The following RPS6KC1 variants were observed in gnomAD, a reference collection of about 807,000 sequenced individuals.
The protein encoded by RPS6KC1 is ribosomal protein S6 kinase C1, also known as inactive ribosomal protein S6 kinase delta-1.
Under a neutral mutation model 103.8 loss-of-function variants are expected in RPS6KC1, and 54 were observed. That is an observed-to-expected ratio of 0.52 (90% confidence interval 0.42 to 0.65). The LOEUF is 0.65. Ranked by LOEUF, RPS6KC1 falls within the 30% of genes least tolerant of loss-of-function variation. The probability of loss-of-function intolerance (pLI) is 0.00; values close to 1 mark genes in which losing one functional copy is unlikely to be tolerated. For synonymous variants in RPS6KC1, 439 were observed against 438.7 expected (o/e 1.00, Z -0.01); for missense variants, 1,151 against 1,253.8 (o/e 0.92, Z 1.24).
the RPS6KC1 span, among the ~76,000 whole-genome samples, chr1:213,853,139 C>A: frequency 6.6e-6 from 1 of 152,182 alleles, no homozygotes; most frequent in Non-Finnish European, 1.5e-5. Context: ...GAAGTTCCTG[C>A]CACCCTCTGC....
intron 6 of RPS6KC1, among the ~76,000 whole-genome samples, 155 bp from the exon 7 acceptor site, chr1:213,167,703 G>C (rs1255629380): frequency 6.6e-6 from 1 of 152,098 alleles, no homozygotes; most frequent in Non-Finnish European, 1.5e-5. Context: ...GTTAGACTTG[G>C]TTGATACTAA....
the RPS6KC1 span, among the ~76,000 whole-genome samples, chr1:213,290,178 G>A: frequency 6.8e-6 from 1 of 146,148 alleles, no homozygotes; most frequent in Admixed American, 6.9e-5. Flanking sequence ...AGAATCAATC[G>A]GTCATGCCTC....
At chr1:213,383,680 CT>C in the RPS6KC1 span, among the ~76,000 whole-genome samples, 3 of 152,056 alleles carry the variant, frequency 2.0e-5, no homozygotes, top group Non-Finnish European at 4.4e-5. Context: ...GGATGGGGCC[CT>C]GATCTGATGG....
the RPS6KC1 span, among the ~76,000 whole-genome samples, chr1:213,538,248 C>T: frequency 6.6e-6 from 1 of 152,158 alleles, no homozygotes; most frequent in Admixed American, 6.5e-5. Context: ...GGCAAATTTG[C>T]AGCGTTAAGT....
At chr1:213,413,153 A>G in the RPS6KC1 span, among the ~76,000 whole-genome samples, 1 of 152,244 alleles carries the variant, frequency 6.6e-6, no homozygotes, top group African/African-American at 2.4e-5. Context: ...ATGCATAGTT[A>G]TACATATTTA....
chr1:213,079,918 C>CTTTTTTTTTT (rs550713502), intron 3 of RPS6KC1, among the ~76,000 whole-genome samples: 1 of 130,184 alleles, frequency 7.7e-6, no homozygotes, highest in Non-Finnish European at 1.7e-5. Context: ...TTCTTTTTTT[C>CTTTTTTTTTT]TTTTTTTTTT....
the RPS6KC1 span, among the ~76,000 whole-genome samples, chr1:213,846,249 G>A: frequency 1.3e-5 from 2 of 151,182 alleles, no homozygotes; most frequent in African/African-American, 4.9e-5. Flanking sequence ...GCAGTGAACC[G>A]AGATCACACC....
chr1:213,664,445 A>C, the RPS6KC1 span, among the ~76,000 whole-genome samples: 2 of 152,122 alleles, frequency 1.3e-5, no homozygotes, highest in East Asian at 3.9e-4. Context: ...GGCAGCATAC[A>C]CATGAAAGAG....
chr1:213,251,182 C>T (rs1412847739), intron 12 of RPS6KC1, among the ~76,000 whole-genome samples: 1 of 146,208 alleles, frequency 6.8e-6, no homozygotes, highest in African/African-American at 2.5e-5. Context: ...TCTGGGCTCA[C>T]TATAACCTCC....
chr1:213,174,321 C>T (rs372066902), intron 7 of RPS6KC1, among the ~76,000 whole-genome samples: 80 of 152,264 alleles, frequency 5.3e-4, no homozygotes, highest in African/African-American at 1.8e-3. Flanking sequence ...GTAAGTACAT[C>T]ACCTGGTATG....
the RPS6KC1 span, among the ~76,000 whole-genome samples, chr1:213,553,490 G>A: frequency 6.6e-6 from 1 of 152,100 alleles, no homozygotes; most frequent in Non-Finnish European, 1.5e-5. Context: ...TGTCTTTATG[G>A]TAGAATGATT....
chr1:213,798,264 T>C, the RPS6KC1 span, among the ~76,000 whole-genome samples: 1 of 152,206 alleles, frequency 6.6e-6, no homozygotes, highest in Admixed American at 6.5e-5. Flanking sequence ...GCAGAGATTC[T>C]TAGCAGCAGA....
the RPS6KC1 span, among the ~76,000 whole-genome samples, chr1:213,449,420 G>A: frequency 1.3e-5 from 2 of 152,108 alleles, no homozygotes; most frequent in African/African-American, 4.8e-5. Flanking sequence ...TTCCCCCGAG[G>A]CCTCTCTCTG....
At chr1:213,540,167 C>A in the RPS6KC1 span, among the ~76,000 whole-genome samples, 341 of 152,246 alleles carry the variant, frequency 2.2e-3, no homozygotes, top group African/African-American at 7.3e-3. Context: ...GGCTAGAGTG[C>A]AGTGGTGCAA....
intron 1 of RPS6KC1, among the ~76,000 whole-genome samples, chr1:213,064,470 C>G (rs1041912093): frequency 4.0e-5 from 6 of 151,452 alleles, no homozygotes; most frequent in African/African-American, 9.7e-5. Flanking sequence ...CGGGTTCAAG[C>G]GATTCTCCTG....
At chr1:213,108,283 C>T (rs980369786) in intron 4 of RPS6KC1, among the ~76,000 whole-genome samples, 7 of 152,068 alleles carry the variant, frequency 4.6e-5, no homozygotes, top group African/African-American at 1.2e-4. Context: ...TGTGAAGGAA[C>T]GGTCTAAATT....
chr1:213,134,274 A>T (rs904197147), intron 6 of RPS6KC1, among the ~76,000 whole-genome samples: 1 of 151,984 alleles, frequency 6.6e-6, no homozygotes, highest in African/African-American at 2.4e-5. Context: ...CACTTAAAAA[A>T]TACCCCATTA....
At chr1:213,205,408 T>G (rs1259804078) in intron 8 of RPS6KC1, 1 of 982,542 alleles carries the variant, frequency 1.0e-6, no homozygotes, top group Non-Finnish European at 1.2e-6. Context: ...TGAAGCAGTT[T>G]GAGTCACTAT....
intron 4 of RPS6KC1, among the ~76,000 whole-genome samples, chr1:213,114,711 A>G (rs1484755357): frequency 6.6e-6 from 1 of 152,086 alleles, no homozygotes; most frequent in Non-Finnish European, 1.5e-5. Context: ...GATAGCTTTT[A>G]TTATTTTGAA....
Sources: allele counts gnomAD v4.1 joint callset (sites outside exome capture counted in the v4.1 genomes callset), GRCh38; gene constraint gnomAD v4.1.1; transcripts MANE v1.5; gene names NCBI Gene and HGNC (gene_info 2026-07-23, HGNC 2026-07-21).